DMD: variants seen among roughly 807,000 people sequenced by gnomAD.
DMD encodes mutant dystrophin.
In DMD, 63 loss-of-function variants were observed where a neutral mutation model predicts 330.1. The ratio of observed to expected loss-of-function variants is 0.19; its 90% CI spans 0.16 to 0.24. The LOEUF (loss-of-function observed/expected upper bound fraction) is 0.24, where lower values mean the gene tolerates loss of function less well. Ranked by LOEUF, DMD falls within the 10% of genes least tolerant of loss-of-function variation. The probability of loss-of-function intolerance (pLI) is 1.00; values close to 1 mark genes in which losing one functional copy is unlikely to be tolerated. For synonymous variants in DMD, 1,223 were observed against 959.8 expected (o/e 1.27, Z -5.07); for missense variants, 3,344 against 2,684.1 (o/e 1.25, Z -5.43).
At chrX:32,388,264 G>A (rs1184953833) in intron 32 of DMD, among the ~76,000 whole-genome samples, 1 of 106,317 alleles carries the variant, frequency 9.4e-6, no homozygotes, top group African/African-American at 3.5e-5. Context: ...TTAGAGACCT[G>A]TTTCTAGAAA....
chrX:33,031,766 A>G (rs2094119355), intron 1 of DMD, among the ~76,000 whole-genome samples: 2 of 110,733 alleles, frequency 1.8e-5, no homozygotes, highest in African/African-American at 6.6e-5. Context: ...TCAAGACTCC[A>G]TCTCAAAAAC....
At chrX:31,830,581 C>A (rs113718612) in intron 49 of DMD, among the ~76,000 whole-genome samples, 2 of 111,416 alleles carry the variant, frequency 1.8e-5, no homozygotes, top group African/African-American at 6.5e-5. Flanking sequence ...GCAACAAGAG[C>A]GAAACTCCGT....
chrX:31,801,588 CCCCAA>C, intron 50 of DMD, among the ~76,000 whole-genome samples: 1 of 78,748 alleles, frequency 1.3e-5, no homozygotes, highest in Admixed American at 1.4e-4. Context: ...CATCCCCCCC[CCCCAA>C]CACACACACA....
chrX:32,363,332 T>G (rs1188630223), intron 36 of DMD, among the ~76,000 whole-genome samples: 7 of 112,060 alleles, frequency 6.2e-5, no homozygotes, highest in Non-Finnish European at 1.9e-5. Context: ...TTACTGAATT[T>G]AATAGTTGTG....
chrX:33,018,093 G>A (rs2093838961), intron 2 of DMD, among the ~76,000 whole-genome samples: 1 of 112,064 alleles, frequency 8.9e-6, no homozygotes, highest in Admixed American at 9.5e-5. Flanking sequence ...AAGATTCTTT[G>A]CAAGTTCTCA....
intron 44 of DMD, among the ~76,000 whole-genome samples, chrX:32,131,023 A>G (rs1452246630): frequency 9.0e-6 from 1 of 110,695 alleles, no homozygotes; most frequent in Non-Finnish European, 1.9e-5. Flanking sequence ...CATCTCTACT[A>G]AAAATACAAA....
chrX:31,680,578 A>G (rs1403545499), intron 52 of DMD, among the ~76,000 whole-genome samples: 1 of 108,639 alleles, frequency 9.2e-6, no homozygotes, highest in East Asian at 2.9e-4. Flanking sequence ...GGGTTTCACC[A>G]TGTTGGCCGG....
At chrX:33,270,640 C>T (rs2053138068) in intron 1 of DMD, among the ~76,000 whole-genome samples, 2 of 111,744 alleles carry the variant, frequency 1.8e-5, no homozygotes, top group Non-Finnish European at 1.9e-5. Flanking sequence ...AAATCCATCC[C>T]GTTGCACACG....
chrX:32,158,588 T>G (rs1316873128), intron 44 of DMD, among the ~76,000 whole-genome samples: 1 of 111,212 alleles, frequency 9.0e-6, no homozygotes, highest in African/African-American at 3.3e-5. Flanking sequence ...CAAATGATAG[T>G]GAATTTGTGT....
chrX:32,719,290 A>T (rs1047972064), intron 7 of DMD, among the ~76,000 whole-genome samples: 1 of 112,296 alleles, frequency 8.9e-6, no homozygotes, highest in African/African-American at 3.2e-5. Context: ...AAAGGTTCAG[A>T]TAATCTTAAT....
chrX:32,333,398 T>C (rs2097690455), intron 41 of DMD, among the ~76,000 whole-genome samples: 1 of 111,137 alleles, frequency 9.0e-6, no homozygotes, highest in South Asian at 3.8e-4. Context: ...TGTTCTTTCA[T>C]TGTTTTTGAA....
At chrX:31,393,166 G>T (rs1483940748) in intron 60 of DMD, among the ~76,000 whole-genome samples, 1 of 111,960 alleles carries the variant, frequency 8.9e-6, no homozygotes, top group Non-Finnish European at 1.9e-5. Flanking sequence ...TATAGTAAAT[G>T]ATCTTAACTT....
rs778110858 is a variant in DMD, at chrX:32,809,846, C to T, written c.531-235G>A. On this transcript the variant is annotated intron_variant, in intron 6 of 78. Coordinates refer to ENST00000357033, the MANE Select transcript of DMD (RefSeq NM_004006.3). ...CCTGTAATCTCAACAATTTGGGAGA[C>T]GGAGGTGGGCAGATCCTTTGAGCCC... Among the ~76,000 whole-genome samples, 214 of 93,899 alleles carry T rather than the reference C, an allele frequency of 2.3e-3. 1 individual carries two copies. The highest frequency in any genetic ancestry group is 0.015 in the Middle Eastern group (2 of 135). 81.5% of individuals were successfully genotyped at this position (93,899 alleles called of 115,157 possible). A position where few individuals can be genotyped will look rare whatever the true frequency, so the allele number is the denominator to read the frequency against.
At chrX:32,839,976 T>C (rs2080016904) in intron 4 of DMD, among the ~76,000 whole-genome samples, 1 of 111,873 alleles carries the variant, frequency 8.9e-6, no homozygotes, top group East Asian at 2.8e-4. Context: ...CCCAAAGTGC[T>C]GGTATTACAG....
chrX:33,123,185 C>T (rs1476938880), intron 1 of DMD, among the ~76,000 whole-genome samples: 4 of 111,828 alleles, frequency 3.6e-5, no homozygotes, highest in Admixed American at 1.9e-4. Context: ...CTGCACTACG[C>T]TATACCACGT....
chrX:31,715,219 GT>G (rs200352106), intron 52 of DMD, among the ~76,000 whole-genome samples: 15,726 of 99,382 alleles, frequency 0.16, 1,100 homozygotes, highest in East Asian at 0.25. Flanking sequence ...TTGGGGGTTG[GT>G]GGGGGGGGAG....
At chrX:31,648,798 A>T (rs1342008575) in intron 54 of DMD, among the ~76,000 whole-genome samples, 2 of 109,642 alleles carry the variant, frequency 1.8e-5, no homozygotes, top group Non-Finnish European at 3.8e-5. Flanking sequence ...CATTTGAATT[A>T]ATGATTTAGA....
At chrX:31,379,348 C>G (rs952480869) in intron 60 of DMD, among the ~76,000 whole-genome samples, 3 of 110,741 alleles carry the variant, frequency 2.7e-5, no homozygotes, top group Non-Finnish European at 5.7e-5. Context: ...AAGGCATAGT[C>G]AAGGTTAATG....
intron 77 of DMD, among the ~76,000 whole-genome samples, chrX:31,129,343 C>G (rs1218933970): frequency 1.8e-5 from 2 of 111,866 alleles, no homozygotes; most frequent in African/African-American, 6.5e-5. Context: ...CACTTGCAGG[C>G]TCTTTGGTGA....
Sources: allele counts gnomAD v4.1 joint callset (sites outside exome capture counted in the v4.1 genomes callset), GRCh38; gene constraint gnomAD v4.1.1; transcripts MANE v1.5; gene names NCBI Gene and HGNC (gene_info 2026-07-23, HGNC 2026-07-21).